The following TNK2 variants were observed in gnomAD, a reference collection of about 807,000 sequenced individuals.
TNK2 encodes the protein activated CDC42 kinase 1.
TNK2 carries 83 observed loss-of-function variants against 101.8 expected under a neutral mutation model. The ratio of observed to expected loss-of-function variants is 0.82; its 90% confidence interval spans 0.68 to 0.98. The LOEUF (loss-of-function observed/expected upper bound fraction) is 0.98. TNK2 is among the 50% of genes least tolerant of loss of function. TNK2 has a pLI of 0.00. For missense variants in TNK2, 1,665 were observed against 1,483.2 expected (o/e 1.12, Z -2.01); for synonymous variants, 804 against 633.0 (o/e 1.27, Z -4.06).
rs1405651576 is a variant in TNK2, at chr3:195,882,420, C to T, written c.610-92G>A. The T allele has an allele frequency of 2.5e-6, 4 of 1,572,724 alleles. No individual in the cohort carries two copies. In the Admixed American group the frequency reaches 5.5e-5, roughly 22 times the overall value. Reference sequence around the variant, plus strand: ...GGGCCCCCAGTCCCCTTCCTGAAGGCTTTCCAGAGCCAGGCTGCACGCACC... The same window carrying T: ...GGGCCCCCAGTCCCCTTCCTGAAGGTTTTCCAGAGCCAGGCTGCACGCACC... On this transcript the variant is annotated intron_variant, in intron 5 of 15. Coordinates refer to ENST00000672887, the MANE Select transcript of TNK2 (RefSeq NM_001382273.1). The surrounding 1 kb of genome is among the most constrained non-coding windows in gnomAD (Gnocchi z 4.2).
chr3:195,874,254 G>T (rs2149370689), intron 9 of TNK2, among the ~76,000 whole-genome samples: 1 of 152,368 alleles, frequency 6.6e-6, no homozygotes, highest in East Asian at 1.9e-4. Flanking sequence ...TCGTGCCCAA[G>T]GCAGGTCACT....
chr3:195,867,159 G>A lies in TNK2; in HGVS notation c.3033+10C>T, dbSNP rs763871117. The stretch of plus-strand genomic sequence containing the variant: ...CCCTGAGAGCCAGAGTGAGCAGGAG[G>A]TGGCGGTACCTTCAGATACTGGGCA... On this transcript the variant is annotated intron_variant, in intron 14 of 15. Coordinates refer to ENST00000672887, the MANE Select transcript of TNK2 (RefSeq NM_001382273.1). The A allele has an allele frequency of 2.5e-6, 4 of 1,612,490 alleles. No individual in the cohort carries two copies. Among genetic ancestry groups the A allele is most frequent in the East Asian group, 2.2e-5 (1 of 44,868 alleles).
chr3:195,882,252 A>C lies in TNK2; in HGVS notation c.686T>G (p.Leu229Arg), dbSNP rs759284337. Residue 229 changes from leucine to arginine, a missense_variant, in exon 6 of 16, where the codon CTG (leucine) becomes CGG (arginine). Around this residue, in one of 3 missense-constraint regions of TNK2, gnomAD observed 490 missense variants for 522.5 expected, o/e 0.94. Coordinates refer to ENST00000672887, the MANE Select transcript of TNK2 (RefSeq NM_001382273.1). This position sits in a 1 kb window ranked among gnomAD's most constrained non-coding sequence, Gnocchi z 4.2. ...AGCCACCTGCACAGCGTAGCGGCTC[A>C]GAGTCCCCAGGAGGAAGTGGCCCTG... ...KHQGHFLLGT[L>R]SRYAVQVAEG... 8.1e-6 allele frequency: 13 copies of C among 1,613,726 alleles called. No individual in the cohort carries two copies. Among genetic ancestry groups the C allele is most frequent in the Non-Finnish European group, 1.1e-5 (13 of 1,180,014 alleles).
At chr3:195,876,859 A>G (rs1749686649) in intron 9 of TNK2, 18 of 356,502 alleles carry the variant, frequency 5.0e-5, no homozygotes, top group South Asian at 3.7e-4. Context: ...CTCCAGAGAC[A>G]CACGCCCCAA....
intron 10 of TNK2, among the ~76,000 whole-genome samples, chr3:195,871,290 G>A (rs112022404): frequency 9.2e-4 from 140 of 152,224 alleles, no homozygotes; most frequent in Non-Finnish European, 1.3e-3. Context: ...AGGAGACAGG[G>A]CCTCTCCCAG....
At position 195,882,643 on chromosome 3, in the gene TNK2, A is replaced by T; in HGVS notation, c.610-315T>A. ...GAGGCCGAGGTGGGTGGATCATTTG[A>T]GGTCAGGAGTTTGAGACCAGCCTGG... On this transcript the variant is annotated intron_variant, in intron 5 of 15. Transcript: ENST00000672887. This position sits in a 1 kb window ranked among gnomAD's most constrained non-coding sequence, Gnocchi z 4.2. 1.2e-6 allele frequency: 1 copy of T among 832,988 alleles called. No individual in the cohort carries two copies. The highest frequency in any genetic ancestry group is 1.5e-5 in the South Asian group (1 of 67,502). 51.6% of individuals were successfully genotyped at this position (832,988 alleles called of 1,614,324 possible).
At position 195,867,913 on chromosome 3, in the gene TNK2, C is replaced by A. The variant is rs778397434; in HGVS notation, c.2385G>T (p.Pro795=). The change falls in exon 13 of 16, where the codon CCG becomes CCT. Residue 795 remains proline (P), a synonymous_variant. Transcript: ENST00000672887. Reference sequence around the variant, plus strand: ...AGCCTTGAGGGGACAGGGGCTCCCGCGGAGGCACCCGGGGAGGGGAAGCAG... The same window carrying A: ...AGCCTTGAGGGGACAGGGGCTCCCGAGGAGGCACCCGGGGAGGGGAAGCAG... The part of the protein sequence containing the change: ...PGPASPPRVP[P]REPLSPQGSR... The A allele has an allele frequency of 1.3e-6, 2 of 1,529,704 alleles. No individual in the cohort carries two copies. Among genetic ancestry groups the A allele is most frequent in the East Asian group, 2.3e-5 (1 of 43,662 alleles). 94.8% of individuals were successfully genotyped at this position (1,529,704 alleles called of 1,614,324 possible).
In TNK2 at chr3:195,885,259, A is replaced by G. The variant is rs965183396; in HGVS notation, c.235-226T>C. 2.2e-5 allele frequency: 25 copies of G among 1,140,842 alleles called. No individual in the cohort carries two copies. Among genetic ancestry groups the G allele is most frequent in the Non-Finnish European group, 3.0e-5 (25 of 832,566 alleles). 70.7% of individuals were successfully genotyped at this position (1,140,842 alleles called of 1,614,324 possible). A position where few individuals can be genotyped will look rare whatever the true frequency, so the allele number is the denominator to read the frequency against. On this transcript the variant is annotated intron_variant, in intron 3 of 15. Coordinates refer to ENST00000672887, the MANE Select transcript of TNK2 (RefSeq NM_001382273.1). The surrounding 1 kb of genome is among the most constrained non-coding windows in gnomAD (Gnocchi z 4.7). ...ATGCTGGCCTCAAGGAGGGTGCCAGAAAGAGACCGACAGGCATGCAGCCTG... is the reference window on the plus strand; with the variant it reads ...ATGCTGGCCTCAAGGAGGGTGCCAGGAAGAGACCGACAGGCATGCAGCCTG...
Position 195,882,354 on chromosome 3 carries a change from A to C in TNK2, c.610-26T>G, listed in dbSNP as rs1195243875. 4 of 1,607,180 alleles carry C rather than the reference A, an allele frequency of 2.5e-6. No homozygotes were observed. The highest frequency in any genetic ancestry group is 3.4e-6 in the Non-Finnish European group (4 of 1,175,066). On this transcript the variant is annotated intron_variant, in intron 5 of 15. Coordinates refer to ENST00000672887, the MANE Select transcript of TNK2 (RefSeq NM_001382273.1). This position sits in a 1 kb window ranked among gnomAD's most constrained non-coding sequence, Gnocchi z 4.2. The stretch of plus-strand genomic sequence containing the variant: ...CTGAGGCCACGGAGGAGGCAGGAGG[A>C]ATGAGCTGGAGGACCCTGCCCCTTC...
Position 195,865,931 on chromosome 3 carries a change from C to T in TNK2, c.3161+958G>A, listed in dbSNP as rs138574167. On this transcript the variant is annotated intron_variant, in intron 15 of 15. Transcript: ENST00000672887. ...CTTTATATGTGGAGAAACTCCGCAC[C>T]GTGCACAGGGCCACGCTGCTGGGAC... Among the ~76,000 whole-genome samples the T allele has an allele frequency of 1.1e-4, 16 of 152,324 alleles. No individual in the cohort carries two copies. The South Asian group carries it at 1.9e-3, about 18-fold the overall frequency.
At chr3:195,891,738 T>C (rs1758550874) in intron 1 of TNK2, among the ~76,000 whole-genome samples, 1 of 152,112 alleles carries the variant, frequency 6.6e-6, no homozygotes, top group Non-Finnish European at 1.5e-5. Flanking sequence ...TCCTCTTCTT[T>C]TTCCCACCAC....
intron 1 of TNK2, among the ~76,000 whole-genome samples, chr3:195,893,217 G>T (rs994274004): frequency 1.3e-5 from 2 of 151,888 alleles, no homozygotes; most frequent in Admixed American, 1.3e-4. Flanking sequence ...CCTTGGCTGG[G>T]TGTCTCCTGG....
At position 195,885,711 on chromosome 3, in the gene TNK2, G is replaced by A. The variant is rs1755314647; in HGVS notation, c.235-678C>T. ...GAAGGAAAAGTGGAGGAGACTCGGAGGCCAGGGTGGACAGGGAGGAGCCGA... is the reference window on the plus strand; with the variant it reads ...GAAGGAAAAGTGGAGGAGACTCGGAAGCCAGGGTGGACAGGGAGGAGCCGA... On this transcript the variant is annotated intron_variant, in intron 3 of 15. Coordinates refer to ENST00000672887, the MANE Select transcript of TNK2 (RefSeq NM_001382273.1). The surrounding 1 kb of genome is among the most constrained non-coding windows in gnomAD (Gnocchi z 4.7). 2.5e-5 allele frequency: 16 copies of A among 646,550 alleles called. No homozygotes were observed. The highest frequency in any genetic ancestry group is 3.1e-4 in the Middle Eastern group (1 of 3,260). The allele number at this position is 646,550 out of a possible 1,614,324, so 40.1% of individuals were successfully genotyped here.
rs370595613 is a variant in TNK2, at chr3:195,876,981, G to A, written c.1256+1272C>T. Among the ~76,000 whole-genome samples the A allele has an allele frequency of 2.6e-3, 400 of 152,318 alleles. 1 individual carries two copies. Among genetic ancestry groups the A allele is most frequent in the African/African-American group, 9.2e-3 (381 of 41,560 alleles). Reference sequence around the variant, plus strand: ...GGGGCTCCGGCAGCAGCACAAGAGGGGCCAGGCCCACGGCTTTCCAGCTCG... The same window carrying A: ...GGGGCTCCGGCAGCAGCACAAGAGGAGCCAGGCCCACGGCTTTCCAGCTCG... On this transcript the variant is annotated intron_variant, in intron 9 of 15. Coordinates refer to ENST00000672887, the MANE Select transcript of TNK2 (RefSeq NM_001382273.1).
chr3:195,893,413 C>G (rs1301486174), intron 1 of TNK2, among the ~76,000 whole-genome samples: 1 of 151,878 alleles, frequency 6.6e-6, no homozygotes, highest in East Asian at 1.9e-4. Flanking sequence ...ACCAGGTGGC[C>G]AAGTTCCCAA....
intron 1 of TNK2, among the ~76,000 whole-genome samples, chr3:195,890,845 G>A (rs144607338): frequency 6.6e-6 from 1 of 152,346 alleles, no homozygotes; most frequent in African/African-American, 2.4e-5. Flanking sequence ...AAAAATGTCA[G>A]TGAAGGCAAC....
intron 15 of TNK2, among the ~76,000 whole-genome samples, chr3:195,865,414 G>A (rs1286476194): frequency 4.9e-5 from 7 of 143,114 alleles, no homozygotes; most frequent in African/African-American, 1.9e-4. Flanking sequence ...TGCGTCCCGG[G>A]TGCAAATCAG....
At chr3:195,883,128 G>T in intron 5 of TNK2, 29 bp downstream of exon 5, 3 of 1,591,828 alleles carry the variant, frequency 1.9e-6, no homozygotes, top group Non-Finnish European at 2.6e-6. Flanking sequence ...CCCTCTCCCT[G>T]CCCGCCCCCT....
chr3:195,878,855 C>T lies in TNK2; in HGVS notation c.1014+194G>A, dbSNP rs1750854839. Among the ~76,000 whole-genome samples the T allele has an allele frequency of 6.6e-6, 1 of 152,182 alleles. No individual in the cohort carries two copies. Among genetic ancestry groups the T allele is most frequent in the Admixed American group, 6.5e-5 (1 of 15,284 alleles). The stretch of plus-strand genomic sequence containing the variant: ...TCCCTCCCCGTCTCTTTGCTGGGCT[C>T]TCCCTGAGGCCATACAGATACGGGG... On this transcript the variant is annotated intron_variant, in intron 7 of 15. Transcript: ENST00000672887. The surrounding 1 kb of genome is among the most constrained non-coding windows in gnomAD (Gnocchi z 4.7).
Sources: allele counts gnomAD v4.1 joint callset (sites outside exome capture counted in the v4.1 genomes callset), GRCh38; gene constraint gnomAD v4.1.1; regional missense constraint gnomAD v4.1.1; non-coding constraint Gnocchi (gnomAD v3.1); transcripts MANE v1.5; gene names NCBI Gene and HGNC (gene_info 2026-07-23, HGNC 2026-07-21).